Variants in GAN observed in about 807,000 individuals in gnomAD.
The protein encoded by GAN is epididymis secretory sperm binding protein.
In GAN, 48 loss-of-function variants were observed where a neutral mutation model predicts 71.3. The ratio of observed to expected loss-of-function variants is 0.67; its 90% CI spans 0.53 to 0.86. The LOEUF (loss-of-function observed/expected upper bound fraction) is 0.86, where lower values mean the gene tolerates loss of function less well. GAN is among the 40% of genes least tolerant of loss of function. The pLI is 0.00. For synonymous variants in GAN, 386 were observed against 276.8 expected (o/e 1.39, Z -3.92); for missense variants, 928 against 770.1 (o/e 1.21, Z -2.43).
chr16:81,334,132 G>A (rs1181895669), intron 1 of GAN, among the ~76,000 whole-genome samples: 1 of 152,186 alleles, frequency 6.6e-6, no homozygotes, highest in East Asian at 1.9e-4. Flanking sequence ...AAATGTAATT[G>A]GACATGGTTA....
intron 1 of GAN, among the ~76,000 whole-genome samples, chr16:81,318,513 G>A (rs1909119920): frequency 6.6e-6 from 1 of 152,080 alleles, no homozygotes; most frequent in Admixed American, 6.6e-5. Flanking sequence ...AATAAATCAT[G>A]TATATAAAAA....
intron 1 of GAN, among the ~76,000 whole-genome samples, chr16:81,326,397 G>T (rs1273398543): frequency 6.6e-6 from 1 of 151,278 alleles, no homozygotes; most frequent in Admixed American, 6.6e-5. Flanking sequence ...GCCAGATGTG[G>T]TGGCACATGC....
At chr16:81,338,101 A>G (rs1372981863) in intron 1 of GAN, among the ~76,000 whole-genome samples, 3 of 152,210 alleles carry the variant, frequency 2.0e-5, no homozygotes, top group African/African-American at 4.8e-5. Context: ...GTCTTGCCCT[A>G]GAAACAGAAA....
chr16:81,375,558 T>C (rs558740242), intron 9 of GAN, among the ~76,000 whole-genome samples: 43 of 151,996 alleles, frequency 2.8e-4, no homozygotes, highest in Non-Finnish European at 5.7e-4. Context: ...ACTCCTGGGC[T>C]CAAGTGATTC....
intron 9 of GAN, among the ~76,000 whole-genome samples, chr16:81,376,296 C>G (rs1251607844): frequency 6.6e-6 from 1 of 151,916 alleles, no homozygotes; most frequent in Non-Finnish European, 1.5e-5. Context: ...TCATAACAGC[C>G]AAAAACTGGA....
At chr16:81,360,223 A>G (rs575915142) in intron 5 of GAN, among the ~76,000 whole-genome samples, 15 of 152,328 alleles carry the variant, frequency 9.8e-5, no homozygotes, top group Non-Finnish European at 2.1e-4. Flanking sequence ...TCTGAAGTTC[A>G]TCCTTTTGAA....
intron 1 of GAN, among the ~76,000 whole-genome samples, chr16:81,337,751 G>A (rs4889307): frequency 0.77 from 117,685 of 152,206 alleles, 45,619 homozygotes; most frequent in East Asian, 0.85. Context: ...TCAAGAAAAA[G>A]TAACGTGAAT....
rs761022292 is a variant in GAN, at chr16:81,384,239, G to A, written c.*6643G>A. The A allele has an allele frequency of 2.0e-5, 3 of 150,890 alleles. No homozygotes were observed. Among genetic ancestry groups the A allele is most frequent in the Non-Finnish European group, 4.4e-5 (3 of 67,910 alleles). The allele number at this position is 150,890 out of a possible 1,614,324, so 9.3% of individuals were successfully genotyped here. A position where few individuals can be genotyped will look rare whatever the true frequency, so the allele number is the denominator to read the frequency against. On this transcript the variant is annotated 3_prime_UTR_variant, in exon 11 of 11. Coordinates refer to ENST00000648994, the MANE Select transcript of GAN (RefSeq NM_022041.4). The stretch of plus-strand genomic sequence containing the variant: ...TCTGTTCTTTAACAAAAGCTTGGAA[G>A]CAGGCAGTCAGAGGCCTTGAGGAAT...
chr16:81,333,257 AAAGG>A (rs1567482382), intron 1 of GAN, among the ~76,000 whole-genome samples: 2 of 151,998 alleles, frequency 1.3e-5, no homozygotes, highest in African/African-American at 4.8e-5. Context: ...AAAAAAAAAA[AAAGG>A]AGGAATCCAC....
chr16:81,331,009 A>T (rs1909558351), intron 1 of GAN, among the ~76,000 whole-genome samples: 1 of 152,186 alleles, frequency 6.6e-6, no homozygotes, highest in South Asian at 2.1e-4. Flanking sequence ...AGTCTAGACC[A>T]ACCTGGGTAC....
At chr16:81,340,855 A>G (rs1444650080) in intron 1 of GAN, among the ~76,000 whole-genome samples, 1 of 152,070 alleles carries the variant, frequency 6.6e-6, no homozygotes, top group Non-Finnish European at 1.5e-5. Flanking sequence ...AAGCTAAAGG[A>G]GCATGTTTTA....
intron 1 of GAN, among the ~76,000 whole-genome samples, chr16:81,349,793 T>A (rs182080535): frequency 1.9e-3 from 292 of 152,294 alleles, no homozygotes; most frequent in African/African-American, 6.8e-3. Flanking sequence ...GTTCTCCCTG[T>A]AACTCACTAT....
intron 2 of GAN, among the ~76,000 whole-genome samples, chr16:81,352,282 C>T (rs16955120): frequency 0.037 from 5,564 of 152,228 alleles, 190 homozygotes; most frequent in African/African-American, 0.083. Flanking sequence ...CCACTTGAAC[C>T]TCTGGGGACT....
chr16:81,323,037 C>T (rs1377927078), intron 1 of GAN, among the ~76,000 whole-genome samples: 3 of 152,248 alleles, frequency 2.0e-5, no homozygotes, highest in Non-Finnish European at 2.9e-5. Flanking sequence ...CTACAGCCCC[C>T]AGTCTACTTC....
At position 81,381,898 on chromosome 16, in the gene GAN, C is replaced by T. The variant is rs941100990; in HGVS notation, c.*4302C>T. ...AGCTGAAACTAGCATGGGCCGGCCT[C>T]CTATATGGAGCTGAAACTAGTATAG... On this transcript the variant is annotated 3_prime_UTR_variant, in exon 11 of 11. Coordinates refer to ENST00000648994, the MANE Select transcript of GAN (RefSeq NM_022041.4). 1.3e-5 allele frequency: 2 copies of T among 152,146 alleles called. No homozygotes were observed. The highest frequency in any genetic ancestry group is 4.8e-5 in the African/African-American group (2 of 41,424). The allele number at this position is 152,146 out of a possible 1,614,324, so 9.4% of individuals were successfully genotyped here.
intron 1 of GAN, among the ~76,000 whole-genome samples, chr16:81,317,710 C>T (rs1186236389): frequency 6.6e-6 from 1 of 152,254 alleles, no homozygotes; most frequent in Non-Finnish European, 1.5e-5. Flanking sequence ...TCTTGCCCTA[C>T]CACGTTAGAG....
At chr16:81,318,789 C>A (rs1909128704) in intron 1 of GAN, among the ~76,000 whole-genome samples, 1 of 152,156 alleles carries the variant, frequency 6.6e-6, no homozygotes, top group Non-Finnish European at 1.5e-5. Context: ...TGGCAACACA[C>A]CCTCATGGTC....
chr16:81,338,239 C>T (rs752574945), intron 1 of GAN, among the ~76,000 whole-genome samples: 5 of 152,030 alleles, frequency 3.3e-5, no homozygotes, highest in African/African-American at 9.7e-5. Context: ...TTTAAGGTTG[C>T]TGCATTTTCT....
At chr16:81,356,594 T>G (rs1248348862) in intron 3 of GAN, among the ~76,000 whole-genome samples, 191 bp from the exon 4 acceptor site, 1 of 152,204 alleles carries the variant, frequency 6.6e-6, no homozygotes, top group East Asian at 1.9e-4. Context: ...AAACTTTTAC[T>G]TATCAAGACT....
Sources: gnomAD v4.1 joint callset for allele counts (sites outside exome capture counted in the v4.1 genomes callset) on GRCh38, gnomAD v4.1.1 for gene constraint, MANE v1.5 for transcripts, NCBI Gene and HGNC (gene_info 2026-07-23, HGNC 2026-07-21) for gene names.